SCRN1: variants seen among roughly 807,000 people sequenced by gnomAD.
SCRN1 encodes the protein secernin-1.
In SCRN1, 19 loss-of-function variants were observed where a neutral mutation model predicts 43.3. The observed-to-expected ratio is 0.44, with a 90% CI of 0.31 to 0.64. SCRN1 has a LOEUF of 0.64. Ranked by LOEUF, SCRN1 falls within the 30% of genes least tolerant of loss-of-function variation. The pLI is 0.09. For missense variants in SCRN1, 447 were observed against 524.1 expected (o/e 0.85, Z 1.44); for synonymous variants, 183 against 188.9 (o/e 0.97, Z 0.26).
chr7:29,969,713 T>C (rs1244107047), intron 1 of SCRN1: 2 of 425,316 alleles, frequency 4.7e-6, no homozygotes, highest in African/African-American at 4.1e-5. Flanking sequence ...TTAATGATCT[T>C]TTCTATCTGG....
rs1348749539 is a variant in SCRN1 at position 29,944,022 on chromosome 7, C to G, written c.499G>C (p.Val167Leu). 2.5e-6 allele frequency: 4 copies of G among 1,614,090 alleles called. No homozygotes were observed. Among genetic ancestry groups the G allele is most frequent in the Non-Finnish European group, 3.4e-6 (4 of 1,180,052 alleles). The change falls in exon 4 of 8, where the codon GTG becomes CTG. Residue 167 changes from valine to leucine, a missense_variant. Transcript: ENST00000242059. The part of the protein sequence containing the change: ...YLIVDRDEAW[V>L]LETIGKYWAA... ...CAGTACTTCCCTATGGTCTCGAGCACCCAGGCTTCATCACGATCCACAATC... is the reference window on the plus strand; with the variant it reads ...CAGTACTTCCCTATGGTCTCGAGCAGCCAGGCTTCATCACGATCCACAATC...
chr7:29,923,811 A>AC lies in SCRN1; in HGVS notation c.*145dup, dbSNP rs1341737299. On this transcript the variant is annotated 3_prime_UTR_variant, in exon 8 of 8. Coordinates refer to ENST00000242059, the MANE Select transcript of SCRN1 (RefSeq NM_014766.5). ...GGGACGCTGTGAGATTCAAGGTGGAACACAAGGTAACAGTTTGATCTGGCT... is the reference window on the plus strand; with the variant it reads ...GGGACGCTGTGAGATTCAAGGTGGAACCACAAGGTAACAGTTTGATCTGGCT... 1 of 847,002 alleles carries AC rather than the reference A, an allele frequency of 1.2e-6. No individual in the cohort carries two copies. Among genetic ancestry groups the AC allele is most frequent in the Admixed American group, 2.4e-5 (1 of 41,960 alleles). The allele number at this position is 847,002 out of a possible 1,614,324, so 52.5% of individuals were successfully genotyped here.
intron 1 of SCRN1, among the ~76,000 whole-genome samples, chr7:29,976,865 G>C (rs886688899): frequency 6.6e-6 from 1 of 152,240 alleles, no homozygotes; most frequent in African/African-American, 2.4e-5. Context: ...GTTCAGGCTT[G>C]AGGGACTGGA....
rs548668003 is a variant in SCRN1, at chr7:29,965,394, T to C, written c.159+3515A>G. Among the ~76,000 whole-genome samples the C allele has an allele frequency of 1.3e-5, 2 of 152,244 alleles. No individual in the cohort carries two copies. Among genetic ancestry groups the C allele is most frequent in the African/African-American group, 4.8e-5 (2 of 41,548 alleles). On this transcript the variant is annotated intron_variant, in intron 2 of 7. Coordinates refer to ENST00000242059, the MANE Select transcript of SCRN1 (RefSeq NM_014766.5). The surrounding 1 kb of genome is among the most constrained non-coding windows in gnomAD (Gnocchi z 4.2). ...TAGCAGAAAAGAGATGGACTCAGTCTGAACGAGTCAGGGGCAGCGGGGAGG... is the reference window on the plus strand; with the variant it reads ...TAGCAGAAAAGAGATGGACTCAGTCCGAACGAGTCAGGGGCAGCGGGGAGG...
chr7:29,954,745 A>G (rs1788072465), intron 3 of SCRN1, among the ~76,000 whole-genome samples: 1 of 152,120 alleles, frequency 6.6e-6, no homozygotes, highest in Non-Finnish European at 1.5e-5. Context: ...CAATGACATG[A>G]TCTCGGCTCA....
At chr7:29,939,535 C>T (rs1787459544) in intron 5 of SCRN1, among the ~76,000 whole-genome samples, 1 of 152,120 alleles carries the variant, frequency 6.6e-6, no homozygotes, top group African/African-American at 2.4e-5. Context: ...GGTTTATGGG[C>T]CATAGAATTT....
At chr7:29,953,404 G>A (rs1314327166) in intron 3 of SCRN1, among the ~76,000 whole-genome samples, 1 of 152,038 alleles carries the variant, frequency 6.6e-6, no homozygotes, top group Non-Finnish European at 1.5e-5. Context: ...CAGGTGCTCT[G>A]AAGAAAGGCA....
rs183222781 is a variant in SCRN1 at position 29,939,770 on chromosome 7, G to C, written c.739+912C>G. ...CAACAAATATAGAATGACTGTTGTG[G>C]GTTTTCTGGAAGGATTTCCACATAG... On this transcript the variant is annotated intron_variant, in intron 5 of 7. Transcript: ENST00000242059. Among the ~76,000 whole-genome samples the C allele has an allele frequency of 4.1e-3, 627 of 152,192 alleles. 3 individuals are homozygous for C. Among genetic ancestry groups the C allele is most frequent in the Non-Finnish European group, 5.9e-3 (403 of 68,038 alleles).
At chr7:29,990,159 C>T (rs1408363542), upstream of SCRN1, 1 of 1,551,592 alleles carries the variant, frequency 6.4e-7, no homozygotes, top group African/African-American at 1.4e-5. Flanking sequence ...CAAGATTTCC[C>T]CGGAGAGAAA....
chr7:29,926,759 G>A (rs1190959592), intron 6 of SCRN1, 127 bp from the exon 7 acceptor site: 1 of 577,162 alleles, frequency 1.7e-6, no homozygotes, highest in African/African-American at 1.9e-5. Flanking sequence ...TGGGTGACGG[G>A]TGGGTGGGTG....
At chr7:29,966,550 T>C (rs184234963) in intron 2 of SCRN1, among the ~76,000 whole-genome samples, 27 of 152,334 alleles carry the variant, frequency 1.8e-4, no homozygotes, top group Admixed American at 1.6e-3. Context: ...CAGAGTCCAC[T>C]CTGTTCCAGG....
intron 1 of SCRN1, chr7:29,969,867 C>T (rs970804954): frequency 2.2e-6 from 1 of 456,424 alleles, no homozygotes; most frequent in Non-Finnish European, 4.4e-6. Flanking sequence ...TCATCTTCTT[C>T]CCTTTTCAAG....
chr7:29,973,592 C>T (rs1185419541), intron 1 of SCRN1, among the ~76,000 whole-genome samples: 3 of 152,080 alleles, frequency 2.0e-5, no homozygotes, highest in Non-Finnish European at 2.9e-5. Context: ...CACACTGAGC[C>T]TTGAAGGTCA....
At chr7:29,989,839 C>T (rs1789308530), upstream of SCRN1, 2 of 976,440 alleles carry the variant, frequency 2.0e-6, no homozygotes, top group African/African-American at 3.9e-5. Context: ...AGCAGCTGGC[C>T]CGACTCACGT....
intron 6 of SCRN1, among the ~76,000 whole-genome samples, chr7:29,933,097 C>T (rs1025397080): frequency 3.3e-5 from 5 of 152,082 alleles, no homozygotes; most frequent in African/African-American, 1.2e-4. Flanking sequence ...CCAGGCTGGT[C>T]TGGAACTCCT....
chr7:29,980,919 A>T (rs543336846), intron 1 of SCRN1, among the ~76,000 whole-genome samples: 1 of 152,308 alleles, frequency 6.6e-6, no homozygotes, highest in South Asian at 2.1e-4. Context: ...ACATAGATGG[A>T]TGGATAGATA....
chr7:29,928,099 G>A (rs1190406822), intron 6 of SCRN1, among the ~76,000 whole-genome samples: 2 of 152,092 alleles, frequency 1.3e-5, no homozygotes, highest in African/African-American at 2.4e-5. Context: ...CTCCGGCCTG[G>A]GTGACTGAGC....
intron 3 of SCRN1, among the ~76,000 whole-genome samples, chr7:29,944,675 A>AAG (rs1376068167): frequency 6.6e-6 from 1 of 151,448 alleles, no homozygotes; most frequent in Non-Finnish European, 1.5e-5. Flanking sequence ...AAAAAAAAAA[A>AAG]AAAAAGAAAG....
chr7:29,953,261 T>G (rs1052398976), intron 3 of SCRN1, among the ~76,000 whole-genome samples: 1 of 152,232 alleles, frequency 6.6e-6, no homozygotes, highest in African/African-American at 2.4e-5. Context: ...TTGCTCAATT[T>G]TCTTCTTCCT....
Sources: gnomAD v4.1 joint callset for allele counts (sites outside exome capture counted in the v4.1 genomes callset) on GRCh38, gnomAD v4.1.1 for gene constraint, Gnocchi (gnomAD v3.1) non-coding constraint, MANE v1.5 for transcripts, NCBI Gene and HGNC (gene_info 2026-07-23, HGNC 2026-07-21) for gene names.